Variants in TTC28 observed in about 807,000 individuals in gnomAD.
TTC28 encodes the protein tetratricopeptide repeat domain 28.
A neutral mutation model predicts 198.0 loss-of-function variants in TTC28; 61 were observed. The observed-to-expected ratio is 0.31, with a 90% CI of 0.25 to 0.38. The LOEUF is 0.38. TTC28 is among the 10% of genes least tolerant of loss of function. The pLI is 1.00. For synonymous variants in TTC28, 1,171 were observed against 1,297.8 expected, an observed-to-expected ratio of 0.90 and a Z score of 2.10; for missense variants, 2,678 against 3,164.0, an observed-to-expected ratio of 0.85 and a Z score of 3.69.
intron 2 of TTC28, among the ~76,000 whole-genome samples, chr22:28,536,612 A>T (rs1333699901): frequency 1.3e-5 from 2 of 152,206 alleles, no homozygotes; most frequent in Non-Finnish European, 2.9e-5. Context: ...CGACAGAGCG[A>T]GACTCCGTCT....
At chr22:28,652,002 G>A (rs1053349436) in intron 1 of TTC28, among the ~76,000 whole-genome samples, 10 of 151,940 alleles carry the variant, frequency 6.6e-5, no homozygotes, top group Non-Finnish European at 1.3e-4. Context: ...ACCACACCTG[G>A]CTAATTTTTG....
At chr22:28,031,167 T>G (rs899586028) in intron 12 of TTC28, among the ~76,000 whole-genome samples, 3 of 152,210 alleles carry the variant, frequency 2.0e-5, no homozygotes, top group African/African-American at 7.2e-5. Flanking sequence ...TGTGCCCTGA[T>G]GACACACGGA....
intron 2 of TTC28, among the ~76,000 whole-genome samples, chr22:28,498,574 C>G (rs969752437): frequency 6.6e-6 from 1 of 152,044 alleles, no homozygotes; most frequent in Non-Finnish European, 1.5e-5. Context: ...CAATGTTCAC[C>G]GAAAGGGGCT....
chr22:28,562,540 T>G (rs2049902069), intron 2 of TTC28, among the ~76,000 whole-genome samples: 1 of 151,898 alleles, frequency 6.6e-6, no homozygotes, highest in African/African-American at 2.4e-5. Context: ...TAACACACAA[T>G]AAGTAAACAA....
At chr22:28,268,442 C>A (rs1931826930) in intron 5 of TTC28, among the ~76,000 whole-genome samples, 1 of 152,140 alleles carries the variant, frequency 6.6e-6, no homozygotes, top group Admixed American at 6.5e-5. Flanking sequence ...TGAAAAACAT[C>A]CTTGAAGGCA....
chr22:28,634,065 G>A (rs2051224949), intron 1 of TTC28, among the ~76,000 whole-genome samples: 1 of 152,136 alleles, frequency 6.6e-6, no homozygotes, highest in Non-Finnish European at 1.5e-5. Context: ...AGAATTAGTA[G>A]TAGTTAACCA....
In TTC28 at chr22:28,142,600, A is replaced by G. The variant is rs1943367133; in HGVS notation, c.1441+20492T>C. Among the ~76,000 whole-genome samples the G allele has an allele frequency of 2.6e-5, 4 of 152,308 alleles. No individual in the cohort carries two copies. The South Asian group carries it at 8.3e-4, about 32-fold the overall frequency. ...GCAATTCACTAACATTTTGGAATCT[A>G]GATCATAAATTATGCAGAGCCTCAG... is the stretch of plus-strand genomic sequence containing the variant. On this transcript the variant is annotated intron_variant, in intron 6 of 22. Transcript: ENST00000397906.
intron 2 of TTC28, among the ~76,000 whole-genome samples, chr22:28,325,064 C>T (rs134481): frequency 0.86 from 129,882 of 150,838 alleles, 56,199 homozygotes; most frequent in East Asian, 0.99. Context: ...CCAGCTCCTC[C>T]TTGTACTCTG....
intron 2 of TTC28, among the ~76,000 whole-genome samples, chr22:28,478,496 G>A (rs1273324643): frequency 6.6e-6 from 1 of 152,116 alleles, no homozygotes; most frequent in African/African-American, 2.4e-5. Flanking sequence ...GCAACAGAGT[G>A]AGACTCTGTC....
intron 6 of TTC28, among the ~76,000 whole-genome samples, chr22:28,116,833 G>A (rs1255929168): frequency 6.6e-6 from 1 of 152,136 alleles, no homozygotes; most frequent in Non-Finnish European, 1.5e-5. Flanking sequence ...TGGAATTTGT[G>A]CGCTTTCCTG....
chr22:28,149,417 C>T (rs918833111), intron 6 of TTC28, among the ~76,000 whole-genome samples: 2 of 152,166 alleles, frequency 1.3e-5, no homozygotes, highest in Non-Finnish European at 2.9e-5. Context: ...AAATACGAAA[C>T]AGTTTTCAAA....
At chr22:28,017,170 G>A (rs912189776) in intron 13 of TTC28, among the ~76,000 whole-genome samples, 1 of 152,226 alleles carries the variant, frequency 6.6e-6, no homozygotes, top group Non-Finnish European at 1.5e-5. Flanking sequence ...GGGCACGTGA[G>A]CTAGAGACAG....
At chr22:28,150,543 A>G (rs562822871) in intron 6 of TTC28, among the ~76,000 whole-genome samples, 7 of 152,334 alleles carry the variant, frequency 4.6e-5, no homozygotes, top group Admixed American at 3.9e-4. Flanking sequence ...AGGAATGAAC[A>G]TAAGACTAAA....
chr22:28,631,098 C>G (rs945102471), intron 1 of TTC28, among the ~76,000 whole-genome samples: 1 of 151,994 alleles, frequency 6.6e-6, no homozygotes, highest in Non-Finnish European at 1.5e-5. Flanking sequence ...CCATTGCACT[C>G]CAGTCTGGAC....
chr22:28,030,139 C>G, intron 13 of TTC28, 87 bp downstream of exon 13: 1 of 1,494,276 alleles, frequency 6.7e-7, no homozygotes, highest in South Asian at 1.3e-5. Context: ...GCCTAACCAG[C>G]TGGAAGGAGC....
chr22:28,256,168 T>C (rs112309621), intron 5 of TTC28, among the ~76,000 whole-genome samples: 7 of 150,668 alleles, frequency 4.6e-5, no homozygotes, highest in African/African-American at 1.7e-4. Flanking sequence ...ATGCCTGTAA[T>C]CCCAGCACTT....
rs1340256916 is a variant in TTC28, at chr22:27,993,318, C to T, written c.5445G>A (p.Gln1815=). ...GGGACTGGAGTGTGCTGCTGCACTGCTGGAGCCGGTCGCCCGGGTCGGAGG... is the reference window on the plus strand; with the variant it reads ...GGGACTGGAGTGTGCTGCTGCACTGTTGGAGCCGGTCGCCCGGGTCGGAGG... ...FPTSDPGDRL[Q]QCSSTLQSLL... The change falls in exon 18 of 23, where the codon CAG becomes CAA. Residue 1815 remains glutamine, a synonymous_variant. Coordinates refer to ENST00000397906, the MANE Select transcript of TTC28 (RefSeq NM_001145418.2). 2 of 1,547,168 alleles carry T rather than the reference C, an allele frequency of 1.3e-6. No individual in the cohort carries two copies. The highest frequency in any genetic ancestry group is 3.9e-5 in the Admixed American group (2 of 50,826).
intron 2 of TTC28, among the ~76,000 whole-genome samples, chr22:28,336,591 A>T (rs963501735): frequency 1.3e-5 from 2 of 151,962 alleles, no homozygotes; most frequent in Non-Finnish European, 2.9e-5. Flanking sequence ...CGAGGAATTT[A>T]TCCATTTCTT....
chr22:28,677,175 A>AAAAT (rs1555910210), intron 1 of TTC28, among the ~76,000 whole-genome samples: 54 of 69,428 alleles, frequency 7.8e-4, no homozygotes, highest in African/African-American at 3.6e-3. Context: ...AAAAAAAAAA[A>AAAAT]ATATATATAT....
Sources: gnomAD v4.1 joint callset for allele counts (sites outside exome capture counted in the v4.1 genomes callset) on GRCh38, gnomAD v4.1.1 for gene constraint, MANE v1.5 for transcripts, NCBI Gene and HGNC (gene_info 2026-07-23, HGNC 2026-07-21) for gene names.